Variants in NCOR2 observed in about 807,000 individuals in gnomAD.
The protein encoded by NCOR2 is CTG repeat protein 26.
In NCOR2, 81 loss-of-function variants were observed where a neutral mutation model predicts 262.9. The ratio of observed to expected loss-of-function variants is 0.31; its 90% CI spans 0.26 to 0.37. NCOR2 has a LOEUF of 0.37. Among genes scored for constraint, NCOR2 ranks in the 10% least tolerant of loss-of-function variants. NCOR2 has a pLI of 1.00. For synonymous variants in NCOR2, 1,659 were observed against 1,559.3 expected (o/e 1.06, Z -1.51); for missense variants, 3,385 against 3,621.4 (o/e 0.93, Z 1.68).
intron 11 of NCOR2, among the ~76,000 whole-genome samples, chr12:124,422,830 G>A (rs1030490414): frequency 6.6e-6 from 1 of 152,232 alleles, no homozygotes; most frequent in African/African-American, 2.4e-5. Context: ...GCGGCTTCCA[G>A]GAAAAATGAG....
At chr12:124,472,888 G>T in intron 4 of NCOR2, 64 bp downstream of exon 6, 1 of 1,598,312 alleles carries the variant, frequency 6.3e-7, no homozygotes, top group Non-Finnish European at 8.6e-7. Context: ...CTGTGACACC[G>T]CTGTCACTGC....
intron 13 of NCOR2, among the ~76,000 whole-genome samples, chr12:124,409,286 G>C (rs1442602137): frequency 6.6e-6 from 1 of 152,182 alleles, no homozygotes; most frequent in African/African-American, 2.4e-5. Context: ...CCTCAGGGCA[G>C]CTCTCCCCAT....
At chr12:124,325,344 G>A in exon 47 of NCOR2, 1 of 1,121,846 alleles carries the variant, frequency 8.9e-7, no homozygotes, top group Non-Finnish European at 1.1e-6. Context: ...GCTCCTGCAG[G>A]GCCGTTCCTG....
At chr12:124,442,517 T>C (rs1043390048) in intron 7 of NCOR2, among the ~76,000 whole-genome samples, 1 of 152,234 alleles carries the variant, frequency 6.6e-6, no homozygotes, top group Non-Finnish European at 1.5e-5. Flanking sequence ...GTGGGGGAAC[T>C]CTGTGGAGCG....
rs951847337 is a variant in NCOR2 at position 124,422,451 on chromosome 12, T to C, written c.1383+50A>G. On this transcript the variant is annotated intron_variant, in intron 12 of 46. Transcript: ENST00000405201. ...GGGCCTCCACCCTGAGTCCACGCAG[T>C]TGCCCACGGAGGTGGAGACCGAAGG... 3 of 1,609,164 alleles carry C rather than the reference T, an allele frequency of 1.9e-6. No homozygotes were observed. The Admixed American group carries it at 5.0e-5, about 27-fold the overall frequency.
At chr12:124,448,247 C>T (rs1417157052) in intron 7 of NCOR2, among the ~76,000 whole-genome samples, 4 of 152,244 alleles carry the variant, frequency 2.6e-5, no homozygotes, top group African/African-American at 4.8e-5. Flanking sequence ...GAATGTCCCC[C>T]TTGCTTTCAG....
chr12:124,361,052 G>A (rs2038540932), intron 22 of NCOR2, among the ~76,000 whole-genome samples: 1 of 150,458 alleles, frequency 6.6e-6, no homozygotes, highest in Admixed American at 6.6e-5. Context: ...GACCCCGGAG[G>A]CAGAGGTTGC....
At chr12:124,385,271 C>CT (rs1337361961) in intron 17 of NCOR2, among the ~76,000 whole-genome samples, 4 of 152,042 alleles carry the variant, frequency 2.6e-5, no homozygotes, top group Non-Finnish European at 4.4e-5. Flanking sequence ...CGTCCGCCCC[C>CT]GCCCCCCCAG....
chr12:124,359,954 C>T (rs939082589), intron 22 of NCOR2, among the ~76,000 whole-genome samples: 13 of 152,344 alleles, frequency 8.5e-5, no homozygotes, highest in African/African-American at 1.9e-4. Context: ...CAGGGCCTAA[C>T]GCCAGGTGCA....
At chr12:124,558,890 C>T (rs1042958553) in intron 1 of NCOR2, among the ~76,000 whole-genome samples, 33 of 152,190 alleles carry the variant, frequency 2.2e-4, no homozygotes, top group Non-Finnish European at 3.4e-4. Flanking sequence ...AGGAACTCCG[C>T]GTGGAGCCTT....
At chr12:124,498,711 G>A (rs939924717), upstream of NCOR2, among the ~76,000 whole-genome samples, 3 of 152,138 alleles carry the variant, frequency 2.0e-5, no homozygotes, top group East Asian at 1.9e-4. Flanking sequence ...AACAAAACAC[G>A]GTATGCATGT....
intron 22 of NCOR2, 56 bp from the exon 25 acceptor site, chr12:124,356,838 G>A (rs758266091): frequency 6.1e-5 from 87 of 1,424,214 alleles, no homozygotes; most frequent in Non-Finnish European, 7.5e-5. Flanking sequence ...GTCAGACCTC[G>A]GGAGCCCTGG....
intron 22 of NCOR2, among the ~76,000 whole-genome samples, chr12:124,361,704 C>T (rs1394154357): frequency 1.3e-5 from 2 of 152,236 alleles, no homozygotes; most frequent in Non-Finnish European, 2.9e-5. Flanking sequence ...ATTCCAGAAG[C>T]TCCTGCGTGG....
chr12:124,341,744 CCG>C, intron 34 of NCOR2, 77 bp downstream of exon 36: 1 of 1,533,322 alleles, frequency 6.5e-7, no homozygotes, highest in South Asian at 1.2e-5. Context: ...CTAGCTGCCT[CCG>C]CGAGGCCACA....
chr12:124,436,370 C>T (rs1171144533), intron 8 of NCOR2, among the ~76,000 whole-genome samples: 1 of 152,142 alleles, frequency 6.6e-6, no homozygotes, highest in Non-Finnish European at 1.5e-5. Flanking sequence ...GGGCAGGGGG[C>T]TGCAGGTATG....
chr12:124,519,582 G>T (rs147487800), intron 1 of NCOR2, among the ~76,000 whole-genome samples: 1 of 152,190 alleles, frequency 6.6e-6, no homozygotes, highest in African/African-American at 2.4e-5. Flanking sequence ...AGAGTTTGAC[G>T]ATGAGGTCAG....
At chr12:124,354,497 C>A in exon 26 of NCOR2, 1 of 1,580,888 alleles carries the variant, frequency 6.3e-7, no homozygotes, top group Non-Finnish European at 8.6e-7. Flanking sequence ...CGGACGCCTC[C>A]TGGGCTGTGG....
At chr12:124,530,997 C>G (rs923481473) in intron 1 of NCOR2, among the ~76,000 whole-genome samples, 1 of 152,134 alleles carries the variant, frequency 6.6e-6, no homozygotes, top group African/African-American at 2.4e-5. Flanking sequence ...GGACTCAGGC[C>G]GGGGCATTTA....
chr12:124,382,825 C>T (rs909517598), intron 17 of NCOR2, among the ~76,000 whole-genome samples: 8 of 152,238 alleles, frequency 5.3e-5, no homozygotes, highest in African/African-American at 1.7e-4. Flanking sequence ...CCAGGCACCA[C>T]CCTTTACAAA....
Sources: allele counts gnomAD v4.1 joint callset (sites outside exome capture counted in the v4.1 genomes callset), GRCh38; gene constraint gnomAD v4.1.1; transcripts MANE v1.5; gene names NCBI Gene and HGNC (gene_info 2026-07-23, HGNC 2026-07-21).